Variants in NUCB2 observed in about 807,000 individuals in gnomAD.
NUCB2 encodes the protein nucleobindin 2.
A neutral mutation model predicts 57.9 loss-of-function variants in NUCB2; 48 were observed. The ratio of observed to expected loss-of-function variants is 0.83; its 90% CI spans 0.66 to 1.05. The LOEUF (loss-of-function observed/expected upper bound fraction) is 1.05, where lower values mean the gene tolerates loss of function less well. NUCB2 is among the 50% of genes least tolerant of loss of function. NUCB2 has a pLI of 0.00. For synonymous variants in NUCB2, 139 were observed against 152.1 expected (o/e 0.91, Z 0.64); for missense variants, 442 against 476.2 (o/e 0.93, Z 0.67).
intron 11 of NUCB2, among the ~76,000 whole-genome samples, chr11:17,320,160 C>T (rs1949831742): frequency 6.6e-6 from 1 of 152,094 alleles, no homozygotes; most frequent in Non-Finnish European, 1.5e-5. Flanking sequence ...TAGGTTGATT[C>T]TATGTCTTTG....
chr11:17,301,946 C>T lies in NUCB2; in HGVS notation c.379+76C>T. ...ACAGCGTTTTACCCTGTGGTTCAGGCTGGAGTGCAGTGGCACAATCACAGT... is the reference window on the plus strand; with the variant it reads ...ACAGCGTTTTACCCTGTGGTTCAGGTTGGAGTGCAGTGGCACAATCACAGT... On this transcript the variant is annotated intron_variant, in intron 5 of 13. Coordinates refer to ENST00000529010, the MANE Select transcript of NUCB2 (RefSeq NM_005013.4). 1 of 1,288,664 alleles carries T rather than the reference C, an allele frequency of 7.8e-7. No individual in the cohort carries two copies. The highest frequency in any genetic ancestry group is 1.1e-6 in the Non-Finnish European group (1 of 926,018). 79.8% of individuals were successfully genotyped at this position (1,288,664 alleles called of 1,614,324 possible).
At position 17,331,783 on chromosome 11, in the gene NUCB2, T is replaced by G. The variant is rs542696794; in HGVS notation, c.*364T>G. ...GCCTCTTGCTTTTAAATTAGATTGC[T>G]CTCACTTACTCGTAAACATAGGTAT... On this transcript the variant is annotated 3_prime_UTR_variant, in exon 14 of 14. Coordinates refer to ENST00000529010, the MANE Select transcript of NUCB2 (RefSeq NM_005013.4). 2.2e-5 allele frequency: 4 copies of G among 185,014 alleles called. No homozygotes were observed. The highest frequency in any genetic ancestry group is 4.4e-5 in the Non-Finnish European group (4 of 90,334). 11.5% of individuals were successfully genotyped at this position (185,014 alleles called of 1,614,324 possible). A position where few individuals can be genotyped will look rare whatever the true frequency, so the allele number is the denominator to read the frequency against.
Position 17,295,353 on chromosome 11 carries a change from T to C in NUCB2, c.30T>C (p.Tyr10=). The C allele has an allele frequency of 2.5e-6, 4 of 1,612,362 alleles. No individual in the cohort carries two copies. Among genetic ancestry groups the C allele is most frequent in the Non-Finnish European group, 3.4e-6 (4 of 1,178,808 alleles). ...GGTGGAGGACCATCCTGCTACAGTA[T>C]TGCTTTCTCTTGATTACATGTTTAC... The part of the protein sequence containing the change: MRWRTILLQ[Y]CFLLITCLLT... Residue 10 remains tyrosine, a synonymous_variant, in exon 3 of 14, where the codon TAT becomes TAC. Transcript: ENST00000529010.
In NUCB2 at chr11:17,330,193, C is replaced by A; in HGVS notation, c.1069C>A (p.Gln357Lys). The A allele has an allele frequency of 6.3e-7, 1 of 1,598,062 alleles. No homozygotes were observed. Among genetic ancestry groups the A allele is most frequent in the Non-Finnish European group, 8.6e-7 (1 of 1,167,414 alleles). The change falls in exon 12 of 14, where the codon CAA becomes AAA. Residue 357 changes from glutamine (Q) to lysine (K), a missense_variant. Coordinates refer to ENST00000529010, the MANE Select transcript of NUCB2 (RefSeq NM_005013.4). The surrounding 1 kb of genome is among the most constrained non-coding windows in gnomAD (Gnocchi z 4.3). ...LKEYENIIALQENELKKKADE... is the reference protein window; with the variant it reads ...LKEYENIIALKENELKKKADE... ...AGAATATGAAAATATTATTGCTTTA[C>A]AAGAAAATGAACTTAAGAAGAAGGC...
Position 17,297,537 on chromosome 11 carries a change from A to G in NUCB2, c.252+1326A>G, listed in dbSNP as rs532799351. On this transcript the variant is annotated intron_variant, in intron 4 of 13. Coordinates refer to ENST00000529010, the MANE Select transcript of NUCB2 (RefSeq NM_005013.4). ...AAGGATTAATTCGATCTGTGGAACA[A>G]GTTTCCTATGGTGAATATATCTGAT... 2.6e-5 allele frequency among the ~76,000 whole-genome samples: 4 copies of G among 152,316 alleles called. No individual in the cohort carries two copies. In the South Asian group the frequency reaches 8.3e-4, roughly 32 times the overall value.
intron 2 of NUCB2, among the ~76,000 whole-genome samples, chr11:17,288,552 C>CTTCTTTT (rs1375589442): frequency 9.9e-6 from 1 of 101,190 alleles, no homozygotes; most frequent in African/African-American, 4.4e-5. Context: ...TCTTCTTCTT[C>CTTCTTTT]TTTTTTTTTT....
chr11:17,345,474 C>A (rs1314877531), intron 2 of NUCB2, among the ~76,000 whole-genome samples: 1 of 152,080 alleles, frequency 6.6e-6, no homozygotes, highest in African/African-American at 2.4e-5. Context: ...TTTGGGAGGC[C>A]AAGGCGGGTG....
At chr11:17,314,053 C>G (rs897783900) in intron 10 of NUCB2, among the ~76,000 whole-genome samples, 1 of 152,070 alleles carries the variant, frequency 6.6e-6, no homozygotes, top group African/African-American at 2.4e-5. Flanking sequence ...CTGTTCCTTC[C>G]TCAGCCTTTT....
At chr11:17,319,607 C>A (rs940235131) in intron 11 of NUCB2, among the ~76,000 whole-genome samples, 1 of 152,194 alleles carries the variant, frequency 6.6e-6, no homozygotes, top group African/African-American at 2.4e-5. Context: ...CACATACACA[C>A]ATATACCCAC....
chr11:17,277,566 GAGAC>G (rs1941593956), intron 1 of NUCB2, among the ~76,000 whole-genome samples: 1 of 152,162 alleles, frequency 6.6e-6, no homozygotes, highest in Admixed American at 6.5e-5. Context: ...TGATTTTTGA[GAGAC>G]AGAACCTCTT....
downstream of NUCB2, chr11:17,332,409 A>G (rs1031331716): frequency 6.6e-6 from 1 of 151,890 alleles, no homozygotes; most frequent in South Asian, 2.1e-4. Context: ...TTACTAAGGA[A>G]GAAGGGAAGA....
chr11:17,311,209 T>C lies in NUCB2; in HGVS notation c.686T>C (p.Leu229Pro). 2 of 1,603,362 alleles carry C rather than the reference T, an allele frequency of 1.2e-6. No homozygotes were observed. Among genetic ancestry groups the C allele is most frequent in the Non-Finnish European group, 1.7e-6 (2 of 1,177,270 alleles). The stretch of plus-strand genomic sequence containing the variant: ...GGTTCACAGGGAAGCAAAGATCAAC[T>C]AAAAGAGGTATGGGAAGAGACTGAT... ...KVNHPGSKDQ[L>P]KEVWEETDGL... Residue 229 changes from leucine (L) to proline (P), a missense_variant, in exon 8 of 14, where the codon CTA (leucine) becomes CCA (proline). Leu to Pro is a moderately conservative substitution (Grantham distance 98, BLOSUM62 -3). Coordinates refer to ENST00000529010, the MANE Select transcript of NUCB2 (RefSeq NM_005013.4).
At chr11:17,278,633 T>C (rs1161157202) in intron 1 of NUCB2, 1 of 152,224 alleles carries the variant, frequency 6.6e-6, no homozygotes, top group Non-Finnish European at 1.5e-5. Context: ...TGAGATAAAA[T>C]GCACAATTAA....
At chr11:17,286,303 C>G (rs1039012646) in intron 2 of NUCB2, among the ~76,000 whole-genome samples, 1 of 152,214 alleles carries the variant, frequency 6.6e-6, no homozygotes, top group Non-Finnish European at 1.5e-5. Context: ...TCACAAAGTG[C>G]TGGGATTATA....
At chr11:17,312,176 C>A in intron 10 of NUCB2, 56 bp downstream of exon 10, 2 of 907,750 alleles carry the variant, frequency 2.2e-6, no homozygotes, top group Admixed American at 2.5e-5. Flanking sequence ...TTAATTCTTG[C>A]AATAAATCTT....
downstream of NUCB2, among the ~76,000 whole-genome samples, chr11:17,337,140 T>G (rs1951886564): frequency 6.6e-6 from 1 of 152,040 alleles, no homozygotes; most frequent in African/African-American, 2.4e-5. Context: ...GGGGTCTTGC[T>G]ATGTTGCCCA....
chr11:17,342,115 C>T (rs1056738317), intron 2 of NUCB2, among the ~76,000 whole-genome samples: 11 of 152,080 alleles, frequency 7.2e-5, no homozygotes, highest in Non-Finnish European at 1.3e-4. Flanking sequence ...GAGGTGTTCA[C>T]AGTATTCTCT....
rs771462771 is a variant in NUCB2 at position 17,282,901 on chromosome 11, C to G, written c.-43C>G. 2 of 151,970 alleles carry G rather than the reference C, an allele frequency of 1.3e-5. No individual in the cohort carries two copies. Among genetic ancestry groups the G allele is most frequent in the Non-Finnish European group, 2.9e-5 (2 of 68,022 alleles). The allele number at this position is 151,970 out of a possible 1,614,324, so 9.4% of individuals were successfully genotyped here. A position where few individuals can be genotyped will look rare whatever the true frequency, so the allele number is the denominator to read the frequency against. On this transcript the variant is annotated 5_prime_UTR_variant, in exon 2 of 14. Coordinates refer to ENST00000529010, the MANE Select transcript of NUCB2 (RefSeq NM_005013.4). ...TCTTACCTCTCTGGATCTCAGTTGT[C>G]TCATCTGTAAAAAGGAGATAAAAAT...
Position 17,331,642 on chromosome 11 carries a change from C to G in NUCB2, c.*223C>G, listed in dbSNP as rs974538870. ...ACAAACTCACTGTCTGCTCTCTGCT[C>G]TCACATTCACACGGCTCTTTTATTT... On this transcript the variant is annotated 3_prime_UTR_variant, in exon 14 of 14. Transcript: ENST00000529010. 1.3e-5 allele frequency: 5 copies of G among 387,412 alleles called. No individual in the cohort carries two copies. The highest frequency in any genetic ancestry group is 2.3e-5 in the Non-Finnish European group (5 of 215,158). 24.0% of individuals were successfully genotyped at this position (387,412 alleles called of 1,614,324 possible). A position where few individuals can be genotyped will look rare whatever the true frequency, so the allele number is the denominator to read the frequency against.
Sources: allele counts gnomAD v4.1 joint callset (sites outside exome capture counted in the v4.1 genomes callset), GRCh38; gene constraint gnomAD v4.1.1; non-coding constraint Gnocchi (gnomAD v3.1); transcripts MANE v1.5; gene names NCBI Gene and HGNC (gene_info 2026-07-23, HGNC 2026-07-21).